Variants in LUZP2 observed in about 807,000 individuals in gnomAD.
The protein encoded by LUZP2 is leucine zipper protein 2.
A neutral mutation model predicts 51.6 loss-of-function variants in LUZP2; 52 were observed. The observed-to-expected ratio is 1.01, with a 90% confidence interval of 0.81 to 1.27. The LOEUF (loss-of-function observed/expected upper bound fraction) is 1.27, where lower values mean the gene tolerates loss of function less well. LUZP2 is among the 50% of genes most tolerant of loss of function. The pLI is 0.00. For synonymous variants in LUZP2, 154 were observed against 137.3 expected (o/e 1.12, Z -0.85); for missense variants, 436 against 395.4 (o/e 1.10, Z -0.87).
intron 1 of LUZP2, among the ~76,000 whole-genome samples, chr11:24,499,877 T>C (rs541601860): frequency 6.6e-6 from 1 of 152,324 alleles, no homozygotes; most frequent in Non-Finnish European, 1.5e-5. Flanking sequence ...TAAAGTAATC[T>C]GTTCAGTGAA....
chr11:25,061,537 G>C (rs561003407), intron 10 of LUZP2, among the ~76,000 whole-genome samples: 1 of 152,136 alleles, frequency 6.6e-6, no homozygotes, highest in East Asian at 1.9e-4. Flanking sequence ...TAGTGAAGCA[G>C]TTGAATTTGT....
intron 9 of LUZP2, among the ~76,000 whole-genome samples, chr11:24,984,549 T>TATATATATATATGTATATATATAA (rs60530495): frequency 1.4e-5 from 1 of 71,224 alleles, no homozygotes; most frequent in Non-Finnish European, 2.8e-5. Context: ...TATATATATA[T>TATATATATATATGTATATATATAA]AATTGTGAAT....
chr11:24,584,670 G>A (rs1023960224), intron 1 of LUZP2, among the ~76,000 whole-genome samples: 1 of 152,128 alleles, frequency 6.6e-6, no homozygotes. Context: ...GTGTATGTGA[G>A]CTCCTTGATG....
intron 7 of LUZP2, among the ~76,000 whole-genome samples, chr11:24,936,854 C>T (rs1854600800): frequency 6.6e-6 from 1 of 152,158 alleles, no homozygotes; most frequent in South Asian, 2.1e-4. Flanking sequence ...ATAATCTCAA[C>T]TCTTGTCAAG....
At chr11:24,617,861 TAAATA>T (rs1459906829) in intron 1 of LUZP2, among the ~76,000 whole-genome samples, 1 of 151,794 alleles carries the variant, frequency 6.6e-6, no homozygotes, top group East Asian at 1.9e-4. Flanking sequence ...AATAAATAAA[TAAATA>T]AATTAAATAA....
chr11:24,762,098 CTTG>C (rs1481169680), intron 4 of LUZP2, among the ~76,000 whole-genome samples: 12 of 106,294 alleles, frequency 1.1e-4, no homozygotes, highest in Non-Finnish European at 2.1e-4. Context: ...TTTACGTATT[CTTG>C]TTCTTTTCTT....
chr11:24,765,175 C>G (rs2631410), intron 5 of LUZP2, among the ~76,000 whole-genome samples: 1 of 151,656 alleles, frequency 6.6e-6, no homozygotes, highest in African/African-American at 2.4e-5. Flanking sequence ...ATAATCAGTA[C>G]GCATGTAGAG....
intron 1 of LUZP2, among the ~76,000 whole-genome samples, chr11:24,549,921 A>T (rs2133744207): frequency 6.6e-6 from 1 of 152,170 alleles, no homozygotes; most frequent in African/African-American, 2.4e-5. Flanking sequence ...TGCTCTTTAG[A>T]ATGGAGGAAT....
chr11:24,581,670 A>AAAATATAAATATAAATATAAATAT (rs11267210), intron 1 of LUZP2, among the ~76,000 whole-genome samples: 7 of 137,076 alleles, frequency 5.1e-5, no homozygotes, highest in Admixed American at 1.5e-4. Flanking sequence ...GACTCTGTCT[A>AAAATATAAATATAAATATAAATAT]AAATATAAAT....
At chr11:24,514,292 G>GTGA (rs1216063156) in intron 1 of LUZP2, among the ~76,000 whole-genome samples, 1 of 152,136 alleles carries the variant, frequency 6.6e-6, no homozygotes, top group Non-Finnish European at 1.5e-5. Context: ...GAAATAGATG[G>GTGA]TGATGATCAG....
intron 1 of LUZP2, among the ~76,000 whole-genome samples, chr11:24,535,226 G>A (rs555276052): frequency 3.6e-4 from 54 of 151,458 alleles, no homozygotes; most frequent in African/African-American, 1.3e-3. Flanking sequence ...CAATGTTGAT[G>A]GCTATTGACT....
At chr11:25,022,025 T>A (rs1161033245) in intron 9 of LUZP2, among the ~76,000 whole-genome samples, 3 of 152,000 alleles carry the variant, frequency 2.0e-5, no homozygotes, top group African/African-American at 7.2e-5. Context: ...AGGTTAGAAA[T>A]GTTTTTCCCT....
chr11:24,999,015 T>A (rs1446188), intron 9 of LUZP2, among the ~76,000 whole-genome samples: 59,146 of 152,028 alleles, frequency 0.39, 13,795 homozygotes, highest in East Asian at 0.68. Context: ...TCAACAAATG[T>A]CTTTAATCTC....
In LUZP2 at chr11:24,497,288, G is replaced by A. The variant is rs775315669; in HGVS notation, c.45G>A (p.Ala15=). ...ACTACCTGCTGCCTCTCCTGCCTGC[G>A]CTGGTCCTCAGCACCAGGTGAGTCC... ...PAHYLLPLLP[A]LVLSTRQDYE... is the part of the protein sequence containing the mutation. The change falls in exon 1 of 12, where the codon GCG becomes GCA. Residue 15 remains alanine (A), a synonymous_variant. Coordinates refer to ENST00000336930, the MANE Select transcript of LUZP2 (RefSeq NM_001009909.4). 58 of 1,565,668 alleles carry A rather than the reference G, an allele frequency of 3.7e-5. No homozygotes were observed. In the Admixed American group the frequency reaches 1.1e-3, roughly 28 times the overall value.
intron 1 of LUZP2, among the ~76,000 whole-genome samples, chr11:24,507,423 C>T (rs1401775658): frequency 6.6e-6 from 1 of 152,048 alleles, no homozygotes; most frequent in Non-Finnish European, 1.5e-5. Flanking sequence ...ATGAGGATCT[C>T]ATTGTGCTCC....
intron 5 of LUZP2, among the ~76,000 whole-genome samples, chr11:24,895,958 A>G (rs907870917): frequency 1.3e-5 from 2 of 152,194 alleles, no homozygotes; most frequent in African/African-American, 2.4e-5. Flanking sequence ...TCCCACCAAT[A>G]CTGTATAAGT....
At chr11:24,841,019 C>T (rs568469273) in intron 5 of LUZP2, among the ~76,000 whole-genome samples, 2 of 152,006 alleles carry the variant, frequency 1.3e-5, no homozygotes, top group Admixed American at 1.3e-4. Flanking sequence ...ATTGTATGTT[C>T]TCATTGTTAA....
chr11:24,701,625 C>T (rs1857425092), intron 1 of LUZP2: 1 of 152,546 alleles, frequency 6.6e-6, no homozygotes, highest in South Asian at 2.1e-4. Flanking sequence ...CTTGTACAGT[C>T]CAGAAGAAGA....
intron 5 of LUZP2, among the ~76,000 whole-genome samples, chr11:24,837,153 A>G (rs577122837): frequency 2.0e-5 from 3 of 151,910 alleles, no homozygotes; most frequent in South Asian, 4.1e-4. Flanking sequence ...GACATATATT[A>G]GAATATATAT....
Sources: gnomAD v4.1 joint callset for allele counts (sites outside exome capture counted in the v4.1 genomes callset) on GRCh38, gnomAD v4.1.1 for gene constraint, MANE v1.5 for transcripts, NCBI Gene and HGNC (gene_info 2026-07-23, HGNC 2026-07-21) for gene names.